The following ADGRB2 variants were observed in gnomAD, a reference collection of about 807,000 sequenced individuals.
ADGRB2 encodes brain-specific angiogenesis inhibitor 2.
Under a neutral mutation model 178.7 loss-of-function variants are expected in ADGRB2, and 47 were observed. The observed-to-expected ratio is 0.26, with a 90% CI of 0.21 to 0.34. The LOEUF is 0.34. ADGRB2 is among the 10% of genes least tolerant of loss of function. The pLI, the probability that ADGRB2 is intolerant of heterozygous loss-of-function variation, is 1.00. For synonymous variants in ADGRB2, 870 were observed against 912.4 expected (o/e 0.95, Z 0.84); for missense variants, 1,584 against 2,180.8 (o/e 0.73, Z 5.45).
chr1:31,751,160 C>A (rs1236827214), intron 4 of ADGRB2, among the ~76,000 whole-genome samples: 1 of 152,220 alleles, frequency 6.6e-6, no homozygotes, highest in Admixed American at 6.5e-5. Flanking sequence ...CTCTTTATAG[C>A]TCCTACCCCC....
At chr1:31,731,549 G>A in intron 28 of ADGRB2, 130 bp from the exon 29 acceptor site, 1 of 1,164,986 alleles carries the variant, frequency 8.6e-7, no homozygotes, top group Non-Finnish European at 1.2e-6. Context: ...TGGAGAGATG[G>A]CTGGGTGGTT....
chr1:31,744,832 T>A lies in ADGRB2; in HGVS notation c.839-101A>T. On this transcript the variant is annotated intron_variant, in intron 4 of 32. Transcript: ENST00000373658. This position sits in a 1 kb window ranked among gnomAD's most constrained non-coding sequence, Gnocchi z 6.7. ...CTTCCTTGCCCTCCGCCTGAGGGCCTGGAACCAACTGCATGATGCTCTCTC... is the reference window on the plus strand; with the variant it reads ...CTTCCTTGCCCTCCGCCTGAGGGCCAGGAACCAACTGCATGATGCTCTCTC... 1.2e-5 allele frequency: 13 copies of A among 1,052,128 alleles called. No individual in the cohort carries two copies. The highest frequency in any genetic ancestry group is 1.9e-5 in the Non-Finnish European group (13 of 684,338). The allele number at this position is 1,052,128 out of a possible 1,614,324, so 65.2% of individuals were successfully genotyped here.
intron 29 of ADGRB2, among the ~76,000 whole-genome samples, chr1:31,729,105 C>T (rs1047071222): frequency 1.3e-5 from 2 of 152,120 alleles, no homozygotes; most frequent in Non-Finnish European, 2.9e-5. Context: ...GCCTCCCTGG[C>T]CTCTCTGCTC....
In ADGRB2 at chr1:31,741,119, G is replaced by A. The variant is rs1645938562; in HGVS notation, c.1794+254C>T. Among the ~76,000 whole-genome samples the A allele has an allele frequency of 6.6e-6, 1 of 152,168 alleles. No individual in the cohort carries two copies. The highest frequency in any genetic ancestry group is 1.5e-5 in the Non-Finnish European group (1 of 68,026). On this transcript the variant is annotated intron_variant, in intron 11 of 32. Coordinates refer to ENST00000373658, the MANE Select transcript of ADGRB2 (RefSeq NM_001364857.2). This position sits in a 1 kb window ranked among gnomAD's most constrained non-coding sequence, Gnocchi z 6.5. ...GTCTAGCAGCACACACAGACACTTG[G>A]ATGAGCACCTAATGACTGAGGAGCT...
chr1:31,727,795 C>T lies in ADGRB2; in HGVS notation c.4573-190G>A. On this transcript the variant is annotated intron_variant, in intron 32 of 32. Transcript: ENST00000373658. The surrounding 1 kb of genome is among the most constrained non-coding windows in gnomAD (Gnocchi z 4.4). ...GCTCCTGACCCCTGTTCTCAGTGGCCCCCAGGACATGTCTCCTGCTGACCA... is the reference window on the plus strand; with the variant it reads ...GCTCCTGACCCCTGTTCTCAGTGGCTCCCAGGACATGTCTCCTGCTGACCA... 1 of 853,246 alleles carries T rather than the reference C, an allele frequency of 1.2e-6. No individual in the cohort carries two copies. Among genetic ancestry groups the T allele is most frequent in the Non-Finnish European group, 1.8e-6 (1 of 571,052 alleles). The allele number at this position is 853,246 out of a possible 1,614,324, so 52.9% of individuals were successfully genotyped here.
rs761734906 is a variant in ADGRB2, at chr1:31,730,852, C to T, written c.4328G>A (p.Arg1443Gln). ...GCCGGGCACGGTGCGAGGCATGGTC[C>T]GGCTGCGCTCCCCTGGCTCGGGCAC... ...RQVPEPGERS[R>Q]TMPRTVPGST... The change falls in exon 29 of 33, where the codon CGG becomes CAG. Residue 1443 changes from arginine to glutamine, a missense_variant. Physicochemically the swap from Arg to Gln is conservative, Grantham distance 43. Around this residue, in one of 3 missense-constraint regions of ADGRB2, gnomAD observed 865 missense variants for 1,192.8 expected, o/e 0.73. Transcript: ENST00000373658. 5 of 1,539,100 alleles carry T rather than the reference C, an allele frequency of 3.2e-6. No homozygotes were observed. Among genetic ancestry groups the T allele is most frequent in the Non-Finnish European group, 3.5e-6 (4 of 1,145,368 alleles).
Position 31,758,911 on chromosome 1 carries a change from G to C in ADGRB2, c.-190-1400C>G, listed in dbSNP as rs1264582203. 6.6e-6 allele frequency among the ~76,000 whole-genome samples: 1 copy of C among 152,244 alleles called. No homozygotes were observed. Among genetic ancestry groups the C allele is most frequent in the East Asian group, 1.9e-4 (1 of 5,200 alleles). On this transcript the variant is annotated intron_variant, in intron 1 of 32. Coordinates refer to ENST00000373658, the MANE Select transcript of ADGRB2 (RefSeq NM_001364857.2). The surrounding 1 kb of genome is among the most constrained non-coding windows in gnomAD (Gnocchi z 4.2). ...TGCTGCGGCACTAGCCAAGCCAGCG[G>C]CTGATGATGAGTGACATCCAATCCC...
chr1:31,743,859 A>G (rs1280539721), intron 6 of ADGRB2, among the ~76,000 whole-genome samples: 1 of 152,258 alleles, frequency 6.6e-6, no homozygotes, highest in Non-Finnish European at 1.5e-5. Flanking sequence ...GACAAGAATC[A>G]GCAAATGCAG....
intron 20 of ADGRB2, among the ~76,000 whole-genome samples, 182 bp from the exon 21 acceptor site, chr1:31,736,905 A>G (rs904516230): frequency 1.7e-4 from 26 of 152,068 alleles, no homozygotes; most frequent in Non-Finnish European, 1.2e-4. Context: ...GGGCCTGGTG[A>G]CACACACACA....
chr1:31,763,451 A>G (rs1476912092), intron 1 of ADGRB2, among the ~76,000 whole-genome samples: 1 of 136,790 alleles, frequency 7.3e-6, no homozygotes, highest in African/African-American at 2.7e-5. Context: ...CGGCATTCAG[A>G]CCGTGACGGG....
At position 31,759,918 on chromosome 1, in the gene ADGRB2, A is replaced by G. The variant is rs534995917; in HGVS notation, c.-190-2407T>C. ...CTGAGCCTGTTTCCCTCTCTGTGCA[A>G]TGCAGACCATGAGCCTTGCCCTGGG... On this transcript the variant is annotated intron_variant, in intron 1 of 32. Coordinates refer to ENST00000373658, the MANE Select transcript of ADGRB2 (RefSeq NM_001364857.2). The surrounding 1 kb of genome is among the most constrained non-coding windows in gnomAD (Gnocchi z 4.3). Among the ~76,000 whole-genome samples, 9 of 152,256 alleles carry G rather than the reference A, an allele frequency of 5.9e-5. No individual in the cohort carries two copies. The highest frequency in any genetic ancestry group is 4.6e-4 in the Admixed American group (7 of 15,306).
In ADGRB2 at chr1:31,728,072, G is replaced by A. The variant is rs749363644; in HGVS notation, c.4525C>T (p.Arg1509Trp). ...RSQSTAKREKRWSVSSGGAAE... is the reference protein window; with the variant it reads ...RSQSTAKREKWWSVSSGGAAE... ...GCCCCACCCGAGGACACACTCCACCGCTTCTCCCTCTGCAACGGGGGCCAC... is the reference window on the plus strand; with the variant it reads ...GCCCCACCCGAGGACACACTCCACCACTTCTCCCTCTGCAACGGGGGCCAC... Residue 1509 changes from arginine to tryptophan, a missense_variant, in exon 32 of 33, where the codon CGG (arginine) becomes TGG (tryptophan). Arg to Trp is a moderately radical substitution (Grantham distance 101). This residue lies in a region of ADGRB2 where 865 missense variants were observed against 1,192.8 expected (regional missense o/e 0.73). Coordinates refer to ENST00000373658, the MANE Select transcript of ADGRB2 (RefSeq NM_001364857.2). The surrounding 1 kb of genome is among the most constrained non-coding windows in gnomAD (Gnocchi z 6.7). 47 of 1,603,760 alleles carry A rather than the reference G, an allele frequency of 2.9e-5. No homozygotes were observed. The South Asian group carries it at 4.0e-4, about 14-fold the overall frequency.
In ADGRB2 at chr1:31,733,265, G is replaced by A. The variant is rs1001411380; in HGVS notation, c.3453-122C>T. 1 of 1,079,808 alleles carries A rather than the reference G, an allele frequency of 9.3e-7. No homozygotes were observed. The highest frequency in any genetic ancestry group is 1.6e-5 in the African/African-American group (1 of 63,134). The allele number at this position is 1,079,808 out of a possible 1,614,324, so 66.9% of individuals were successfully genotyped here. A position where few individuals can be genotyped will look rare whatever the true frequency, so the allele number is the denominator to read the frequency against. ...AAGACTGGGAGGGCCCCAAACCCCAGGGCCTCAGTAATGTCCCCAAGCAGA... is the reference window on the plus strand; with the variant it reads ...AAGACTGGGAGGGCCCCAAACCCCAAGGCCTCAGTAATGTCCCCAAGCAGA... On this transcript the variant is annotated intron_variant, in intron 25 of 32. Transcript: ENST00000373658. This position sits in a 1 kb window ranked among gnomAD's most constrained non-coding sequence, Gnocchi z 4.3.
rs1255953013 is a variant in ADGRB2 at position 31,756,172 on chromosome 1, C to T, written c.665G>A (p.Gly222Asp). ...CCCCGCCTCTCCAGGGCAGCTGCAG[C>T]CTGGCTGAGCAAAGCCGCAGGCCCT... is the stretch of plus-strand genomic sequence containing the variant. ...AGRACGFAQP[G>D]CSCPGEAGAG... is the part of the protein sequence containing the mutation. Residue 222 changes from glycine (G) to aspartate (D), a missense_variant, in exon 4 of 33, where the codon GGC (glycine) becomes GAC (aspartate). Gly to Asp is a moderately conservative substitution (Grantham distance 94). Transcript: ENST00000373658. The surrounding 1 kb of genome is among the most constrained non-coding windows in gnomAD (Gnocchi z 8.5). 1 of 1,613,236 alleles carries T rather than the reference C, an allele frequency of 6.2e-7. No individual in the cohort carries two copies. The highest frequency in any genetic ancestry group is 1.1e-5 in the South Asian group (1 of 91,064).
At position 31,731,370 on chromosome 1, in the gene ADGRB2, T is replaced by G. The variant is rs756149100; in HGVS notation, c.3810A>C (p.Thr1270=). 6.2e-7 allele frequency: 1 copy of G among 1,611,756 alleles called. No individual in the cohort carries two copies. The highest frequency in any genetic ancestry group is 1.1e-5 in the South Asian group (1 of 90,914). Reference sequence around the variant, plus strand: ...CCTCATCCAGGGACAGGCGGGATAGTGTGCCCGTGATGGTGGACGGGTTGC... The same window carrying G: ...CCTCATCCAGGGACAGGCGGGATAGGGTGCCCGTGATGGTGGACGGGTTGC... ...NTCNPSTITG[T]LSRLSLDEDE... The change falls in exon 29 of 33, where the codon ACA becomes ACC. Residue 1270 remains threonine, a synonymous_variant. Transcript: ENST00000373658.
chr1:31,731,501 C>G, intron 28 of ADGRB2, 82 bp from the exon 29 acceptor site: 1 of 1,485,062 alleles, frequency 6.7e-7, no homozygotes, highest in Non-Finnish European at 9.0e-7. Flanking sequence ...GGGGAGGTAC[C>G]AAGCTTCTGC....
chr1:31,752,488 G>A (rs1025304108), intron 4 of ADGRB2, among the ~76,000 whole-genome samples: 2 of 152,234 alleles, frequency 1.3e-5, no homozygotes, highest in Admixed American at 6.5e-5. Flanking sequence ...GGCCGAGAGA[G>A]CAGCAGGGTC....
chr1:31,735,567 G>C lies in ADGRB2; in HGVS notation c.3353+13C>G, dbSNP rs1553182174. ...TTTCCAGAAAGGCCAAGTCTCAGAG[G>C]CCCCCCCCTTACCCGGCCCTCTGCT... is the stretch of plus-strand genomic sequence containing the variant. On this transcript the variant is annotated intron_variant, in intron 24 of 32. Coordinates refer to ENST00000373658, the MANE Select transcript of ADGRB2 (RefSeq NM_001364857.2). The surrounding 1 kb of genome is among the most constrained non-coding windows in gnomAD (Gnocchi z 6.0). 15 of 1,611,496 alleles carry C rather than the reference G, an allele frequency of 9.3e-6. No individual in the cohort carries two copies. Among genetic ancestry groups the C allele is most frequent in the Non-Finnish European group, 1.1e-5 (13 of 1,178,126 alleles).
chr1:31,727,484 A>G lies in ADGRB2; in HGVS notation c.4694T>C (p.Leu1565Pro), dbSNP rs1645043612. 1.3e-6 allele frequency: 2 copies of G among 1,597,082 alleles called. No individual in the cohort carries two copies. The highest frequency in any genetic ancestry group is 2.7e-5 in the African/African-American group (2 of 73,542). ...LPPKPRERLT[L>P]HRAAAWEPTE... Reference sequence around the variant, plus strand: ...GGGCTCCCAGGCTGCTGCCCGGTGCAGAGTCAGCCGTTCTCGGGGCTTGGG... The same window carrying G: ...GGGCTCCCAGGCTGCTGCCCGGTGCGGAGTCAGCCGTTCTCGGGGCTTGGG... Residue 1565 changes from leucine (L) to proline (P), a missense_variant, in exon 33 of 33, where the codon CTG (leucine) becomes CCG (proline). By Grantham distance (98) the Leu-to-Pro change is moderately conservative (BLOSUM62 -3). This residue lies in a region of ADGRB2 where 865 missense variants were observed against 1,192.8 expected (regional missense o/e 0.73). Transcript: ENST00000373658. The surrounding 1 kb of genome is among the most constrained non-coding windows in gnomAD (Gnocchi z 4.4).
Sources: gnomAD v4.1 joint callset for allele counts (sites outside exome capture counted in the v4.1 genomes callset) on GRCh38, gnomAD v4.1.1 for gene constraint, gnomAD v4.1.1 regional missense constraint, Gnocchi (gnomAD v3.1) non-coding constraint, MANE v1.5 for transcripts, NCBI Gene and HGNC (gene_info 2026-07-23, HGNC 2026-07-21) for gene names.